The following FLT4 variants were observed in gnomAD, a reference collection of about 807,000 sequenced individuals.
The protein encoded by FLT4 is vascular endothelial growth factor receptor 3.
A neutral mutation model predicts 163.2 loss-of-function variants in FLT4; 30 were observed. That is an observed-to-expected ratio of 0.18 (90% CI 0.14 to 0.25). The LOEUF (loss-of-function observed/expected upper bound fraction) is 0.25. Among genes scored for constraint, FLT4 ranks in the 10% least tolerant of loss-of-function variants. FLT4 has a pLI of 1.00. For missense variants in FLT4, 1,510 were observed against 1,863.8 expected (o/e 0.81, Z 3.50); for synonymous variants, 884 against 789.5 (o/e 1.12, Z -2.01).
Position 180,621,716 on chromosome 5 carries a change from A to G in FLT4, c.1846T>C (p.Phe616Leu). The G allele has an allele frequency of 6.2e-6, 10 of 1,612,918 alleles. No individual in the cohort carries two copies. The highest frequency in any genetic ancestry group is 8.5e-6 in the Non-Finnish European group (10 of 1,179,928). ...AGGCTGGCGGCCAGAGGGGTGGCGA[A>G]CAGATGCACGTTCTTGCAGTCGAGC... ...LLLDCKNVHLFATPLAASLEE... is the reference protein window; with the variant it reads ...LLLDCKNVHLLATPLAASLEE... Residue 616 changes from phenylalanine (F) to leucine (L), a missense_variant, in exon 13 of 30, where the codon TTC becomes CTC. By Grantham distance (22) the Phe-to-Leu change is conservative. Around this residue, in one of 5 missense-constraint regions of FLT4, gnomAD observed 878 missense variants for 1,016.7 expected, o/e 0.86. Coordinates refer to ENST00000261937, the MANE Select transcript of FLT4 (RefSeq NM_182925.5).
intron 29 of FLT4, among the ~76,000 whole-genome samples, chr5:180,608,694 T>C (rs1259940152): frequency 6.6e-6 from 1 of 151,948 alleles, no homozygotes; most frequent in Non-Finnish European, 1.5e-5. Context: ...GTGGGTTACG[T>C]GTGGTGTCAG....
Position 180,630,240 on chromosome 5 carries a change from A to G in FLT4, c.498T>C (p.Asn166=), listed in dbSNP as rs746359738. ...VPCLVSIPGL[N]VTLRSQSSVL... Reference sequence around the variant, plus strand: ...GGGGCCGTACCGAGCGCAGCGTGACATTGAGGCCGGGGATGGACACCAGAC... The same window carrying G: ...GGGGCCGTACCGAGCGCAGCGTGACGTTGAGGCCGGGGATGGACACCAGAC... The change falls in exon 4 of 30, where the codon AAT becomes AAC. Residue 166 remains asparagine, a synonymous_variant. Coordinates refer to ENST00000261937, the MANE Select transcript of FLT4 (RefSeq NM_182925.5). The surrounding 1 kb of genome is among the most constrained non-coding windows in gnomAD (Gnocchi z 6.3). The G allele has an allele frequency of 6.8e-6, 11 of 1,612,098 alleles. No individual in the cohort carries two copies. Among genetic ancestry groups the G allele is most frequent in the African/African-American group, 2.7e-5 (2 of 74,880 alleles).
At chr5:180,634,694 CAAAAAAAAAAA>C (rs1214794098) in intron 1 of FLT4, among the ~76,000 whole-genome samples, 1 of 36,418 alleles carries the variant, frequency 2.7e-5, no homozygotes, top group African/African-American at 1.1e-4. Context: ...GACTCCGTCT[CAAAAAAAAAAA>C]AAAAAAAAAG....
In FLT4 at chr5:180,623,831, T is replaced by C; in HGVS notation, c.1548+104A>G. On this transcript the variant is annotated intron_variant, in intron 11 of 29. Coordinates refer to ENST00000261937, the MANE Select transcript of FLT4 (RefSeq NM_182925.5). The surrounding 1 kb of genome is among the most constrained non-coding windows in gnomAD (Gnocchi z 5.8). ...GAAGGTCACCCGCTCTCGGCTGCTC[T>C]GCCCAGCACTCTGGAAGCCAGGTGG... is the stretch of plus-strand genomic sequence containing the variant. 3 of 1,476,632 alleles carry C rather than the reference T, an allele frequency of 2.0e-6. No homozygotes were observed. Among genetic ancestry groups the C allele is most frequent in the Admixed American group, 1.7e-5 (1 of 59,746 alleles). The allele number at this position is 1,476,632 out of a possible 1,614,324, so 91.5% of individuals were successfully genotyped here.
chr5:180,605,267 C>CT (rs1245145715), intron 29 of FLT4, among the ~76,000 whole-genome samples: 3 of 152,214 alleles, frequency 2.0e-5, no homozygotes, highest in Non-Finnish European at 4.4e-5. Context: ...CTGGCCGAAT[C>CT]TATCTTTTAT....
At chr5:180,619,570 C>T (rs1395613904) in intron 18 of FLT4, 95 bp downstream of exon 18, 2 of 1,096,642 alleles carry the variant, frequency 1.8e-6, no homozygotes, top group South Asian at 1.2e-5. Context: ...GGCTTCCAGC[C>T]TCAGTCTCCC....
rs1045746333 is a variant in FLT4 at position 180,619,784 on chromosome 5, G to A, written c.2543-15C>T. The A allele has an allele frequency of 5.7e-6, 9 of 1,591,748 alleles. No homozygotes were observed. The African/African-American group carries it at 6.7e-5, about 12-fold the overall frequency. ...GAGCACTCTCCCTGTCGGGGCAGGG[G>A]GCCAGTTGCAGGTGAGCTGTACGGG... On this transcript the variant is annotated splice_polypyrimidine_tract_variant and intron_variant, in intron 17 of 29. Transcript: ENST00000261937.
rs751172981 is a variant in FLT4, at chr5:180,626,051, C to T, written c.1259-20G>A. 26 of 1,612,592 alleles carry T rather than the reference C, an allele frequency of 1.6e-5. No individual in the cohort carries two copies. Among genetic ancestry groups the T allele is most frequent in the African/African-American group, 1.3e-4 (10 of 74,920 alleles). ...GGGGCACTGTGGGCACACAGATGGC[C>T]GGTCAGCTGGCCTCCAATGCCAGGC... On this transcript the variant is annotated intron_variant, in intron 9 of 29. Transcript: ENST00000261937.
intron 1 of FLT4, among the ~76,000 whole-genome samples, chr5:180,645,398 T>C (rs1445228707): frequency 6.6e-6 from 1 of 152,204 alleles, no homozygotes; most frequent in Non-Finnish European, 1.5e-5. Flanking sequence ...AGGCTCTGCT[T>C]GCTGGCCGGC....
At chr5:180,625,239 A>G (rs1480283952) in intron 10 of FLT4, among the ~76,000 whole-genome samples, 1 of 152,118 alleles carries the variant, frequency 6.6e-6, no homozygotes, top group Non-Finnish European at 1.5e-5. Flanking sequence ...AGCCCTGCCC[A>G]CCTGGGCGTC....
rs779003113 is a variant in FLT4 at position 180,618,834 on chromosome 5, C to G, written c.2937G>C (p.Arg979Ser). 2 of 1,583,548 alleles carry G rather than the reference C, an allele frequency of 1.3e-6. No individual in the cohort carries two copies. Among genetic ancestry groups the G allele is most frequent in the African/African-American group, 2.7e-5 (2 of 74,264 alleles). The stretch of plus-strand genomic sequence containing the variant: ...TCTTCGAGAACCGCGCGAAGAGGAC[C>G]CTGTCGCTGCTCCCCGGCCGCCTCC... ...LDRRRPGSSD[R>S]VLFARFSKTE... Residue 979 changes from arginine (R) to serine (S), a missense_variant, in exon 21 of 30, where the codon AGG becomes AGC. Physicochemically the swap from Arg to Ser is moderately radical, Grantham distance 110 (BLOSUM62 -1). Around this residue, in one of 5 missense-constraint regions of FLT4, gnomAD observed 878 missense variants for 1,016.7 expected, o/e 0.86. Coordinates refer to ENST00000261937, the MANE Select transcript of FLT4 (RefSeq NM_182925.5).
intron 23 of FLT4, among the ~76,000 whole-genome samples, chr5:180,614,694 C>T (rs1056536129): frequency 1.4e-5 from 2 of 144,906 alleles, no homozygotes; most frequent in Non-Finnish European, 3.1e-5. Flanking sequence ...GGCCAGGGCC[C>T]TTCTGGACTG....
intron 1 of FLT4, among the ~76,000 whole-genome samples, chr5:180,646,051 T>C (rs1381316548): frequency 6.6e-6 from 1 of 152,106 alleles, no homozygotes; most frequent in Non-Finnish European, 1.5e-5. Context: ...CCCTTGCAGC[T>C]GATTCGCTTA....
Position 180,620,410 on chromosome 5 carries a change from G to T in FLT4, c.2407-102C>A. 1 of 1,493,476 alleles carries T rather than the reference G, an allele frequency of 6.7e-7. No individual in the cohort carries two copies. The highest frequency in any genetic ancestry group is 2.3e-5 in the East Asian group (1 of 44,108). The allele number at this position is 1,493,476 out of a possible 1,614,324, so 92.5% of individuals were successfully genotyped here. ...CCAGGACAGATGGCACTTCCTGCGGGGTTCTCAGTCAAGGAGGGGACAGAA... is the reference window on the plus strand; with the variant it reads ...CCAGGACAGATGGCACTTCCTGCGGTGTTCTCAGTCAAGGAGGGGACAGAA... On this transcript the variant is annotated intron_variant, in intron 16 of 29. Transcript: ENST00000261937. The surrounding 1 kb of genome is among the most constrained non-coding windows in gnomAD (Gnocchi z 4.4).
upstream of FLT4, chr5:180,649,710 C>A: frequency 4.8e-6 from 1 of 209,664 alleles, no homozygotes; most frequent in Non-Finnish European, 8.7e-6. Context: ...TCCCTCCCAG[C>A]CCGCCGCGGG....
At chr5:180,621,960 C>T (rs1221593244) in intron 12 of FLT4, 56 bp from the exon 13 acceptor site, 2 of 1,602,984 alleles carry the variant, frequency 1.2e-6, no homozygotes, top group African/African-American at 2.7e-5. Context: ...CTCCCCCATC[C>T]ACCTGCCGCC....
rs143098805 is a variant in FLT4, at chr5:180,626,158, G to C, written c.1211C>G (p.Ser404Cys). The change falls in exon 9 of 30, where the codon TCC becomes TGC. Residue 404 changes from serine (S) to cysteine (C), a missense_variant. Physicochemically the swap from Ser to Cys is moderately radical, Grantham distance 112 (BLOSUM62 -1). Coordinates refer to ENST00000261937, the MANE Select transcript of FLT4 (RefSeq NM_182925.5). ...GATGTTGCGCCTCAGGCCAGCAGCGGAGTTCCACAGGGCGAGGGTGTAGGT... is the reference window on the plus strand; with the variant it reads ...GATGTTGCGCCTCAGGCCAGCAGCGCAGTTCCACAGGGCGAGGGTGTAGGT... ...TGTYTLALWN[S>C]AAGLRRNISL... The C allele has an allele frequency of 1.2e-6, 2 of 1,612,886 alleles. No individual in the cohort carries two copies. Among genetic ancestry groups the C allele is most frequent in the Non-Finnish European group, 1.7e-6 (2 of 1,180,018 alleles).
chr5:180,624,090 G>A (rs1763405268), intron 10 of FLT4, 29 bp from the exon 11 acceptor site: 2 of 1,608,350 alleles, frequency 1.2e-6, no homozygotes, highest in East Asian at 2.2e-5. Context: ...GCAAGGGCAG[G>A]TCAGGGATAC....
intron 6 of FLT4, 133 bp from the exon 7 acceptor site, chr5:180,629,560 G>A (rs1032327895): frequency 6.9e-7 from 1 of 1,452,500 alleles, no homozygotes; most frequent in African/African-American, 1.4e-5. Context: ...TTCTTTGGGT[G>A]GAACACTTGC....
Sources: gnomAD v4.1 joint callset for allele counts (sites outside exome capture counted in the v4.1 genomes callset) on GRCh38, gnomAD v4.1.1 for gene constraint, gnomAD v4.1.1 regional missense constraint, Gnocchi (gnomAD v3.1) non-coding constraint, MANE v1.5 for transcripts, NCBI Gene and HGNC (gene_info 2026-07-23, HGNC 2026-07-21) for gene names.